The following DIP2B variants were observed in gnomAD, a reference collection of about 807,000 sequenced individuals.
DIP2B encodes the protein disco-interacting protein 2 homolog B.
In DIP2B, 76 loss-of-function variants were observed where a neutral mutation model predicts 198.0. The observed-to-expected ratio is 0.38, with a 90% CI of 0.32 to 0.46. DIP2B has a LOEUF of 0.46. Ranked by LOEUF, DIP2B falls within the 20% of genes least tolerant of loss-of-function variation. DIP2B has a pLI of 0.99. For missense variants in DIP2B, 1,559 were observed against 1,978.4 expected, an observed-to-expected ratio of 0.79 and a Z score of 4.02; for synonymous variants, 701 against 739.1, an observed-to-expected ratio of 0.95 and a Z score of 0.84.
intron 3 of DIP2B, among the ~76,000 whole-genome samples, chr12:50,649,229 A>G (rs959324479): frequency 6.6e-6 from 1 of 152,232 alleles, no homozygotes; most frequent in African/African-American, 2.4e-5. Flanking sequence ...ATTTATTTAT[A>G]GAGTTAGAAA....
intron 1 of DIP2B, among the ~76,000 whole-genome samples, chr12:50,597,758 C>G (rs910586539): frequency 1.3e-4 from 20 of 152,170 alleles, no homozygotes; most frequent in Non-Finnish European, 2.4e-4. Context: ...CAACAGAGTG[C>G]TTTAATAGTA....
Position 50,668,843 on chromosome 12 carries a change from G to A in DIP2B, c.428-2343G>A, listed in dbSNP as rs182666914. Among the ~76,000 whole-genome samples, 7 of 152,024 alleles carry A rather than the reference G, an allele frequency of 4.6e-5. No individual in the cohort carries two copies. The East Asian group carries it at 7.7e-4, about 17-fold the overall frequency. ...GCTAAGACAGGAATATTTGTGTCCCGGGGTACAGTTGAAATGTTAGAATAT... is the reference window on the plus strand; with the variant it reads ...GCTAAGACAGGAATATTTGTGTCCCAGGGTACAGTTGAAATGTTAGAATAT... On this transcript the variant is annotated intron_variant, in intron 4 of 37. Coordinates refer to ENST00000301180, the MANE Select transcript of DIP2B (RefSeq NM_173602.3).
At chr12:50,686,455 T>C (rs1385641315) in intron 11 of DIP2B, 118 bp from the exon 12 acceptor site, 3 of 844,712 alleles carry the variant, frequency 3.6e-6, no homozygotes, top group African/African-American at 3.4e-5. Context: ...AAACTAAGTA[T>C]TTTATTGATT....
intron 1 of DIP2B, among the ~76,000 whole-genome samples, chr12:50,517,131 G>A (rs552961597): frequency 9.2e-5 from 14 of 152,110 alleles, no homozygotes; most frequent in South Asian, 6.2e-4. Flanking sequence ...GTGTTAGCCA[G>A]GATGGTCTCG....
chr12:50,708,389 C>G, intron 21 of DIP2B, 59 bp from the exon 22 acceptor site: 2 of 1,488,804 alleles, frequency 1.3e-6, no homozygotes, highest in South Asian at 1.2e-5. Context: ...TCCAGTTAAA[C>G]AAAACAAATA....
intron 1 of DIP2B, among the ~76,000 whole-genome samples, chr12:50,540,496 CAAAT>C (rs952191746): frequency 6.0e-5 from 9 of 150,270 alleles, no homozygotes; most frequent in African/African-American, 2.2e-4. Context: ...ATAGCAGTCT[CAAAT>C]GAGGTAGAAC....
At chr12:50,705,595 C>T (rs1184523325) in intron 20 of DIP2B, among the ~76,000 whole-genome samples, 1 of 152,254 alleles carries the variant, frequency 6.6e-6, no homozygotes, top group East Asian at 1.9e-4. Context: ...TTATTTTGGT[C>T]AGCCATGCCC....
chr12:50,542,104 A>G (rs527576240), intron 1 of DIP2B, among the ~76,000 whole-genome samples: 1 of 151,542 alleles, frequency 6.6e-6, no homozygotes, highest in East Asian at 1.9e-4. Flanking sequence ...ATCCTGGCTA[A>G]CACAGTGAAA....
At chr12:50,683,510 A>G (rs1266398450) in intron 10 of DIP2B, among the ~76,000 whole-genome samples, 3 of 152,148 alleles carry the variant, frequency 2.0e-5, no homozygotes, top group Non-Finnish European at 4.4e-5. Context: ...GGCCGGGCGC[A>G]GTGGCTCACG....
At chr12:50,578,504 CTTTTT>C (rs62685162) in intron 1 of DIP2B, among the ~76,000 whole-genome samples, 7 of 111,604 alleles carry the variant, frequency 6.3e-5, no homozygotes, top group Non-Finnish European at 1.2e-4. Flanking sequence ...GTTATTTGCT[CTTTTT>C]TTTTTTTTTT....
At chr12:50,662,975 G>A (rs925763532) in intron 4 of DIP2B, among the ~76,000 whole-genome samples, 7 of 152,128 alleles carry the variant, frequency 4.6e-5, no homozygotes, top group Non-Finnish European at 5.9e-5. Context: ...CAGGTGTGGT[G>A]GTGCGTTCCT....
chr12:50,701,953 AAAAT>A (rs1357409078), intron 19 of DIP2B, among the ~76,000 whole-genome samples: 1 of 152,148 alleles, frequency 6.6e-6, no homozygotes, highest in African/African-American at 2.4e-5. Flanking sequence ...TTTTATATAA[AAAAT>A]AAATTTTAAG....
At chr12:50,686,478 T>TA in intron 11 of DIP2B, 95 bp from the exon 12 acceptor site, 1 of 1,018,810 alleles carries the variant, frequency 9.8e-7, no homozygotes, top group South Asian at 1.7e-5. Flanking sequence ...AAAATGATCT[T>TA]AATTTGGTCT....
At chr12:50,592,530 T>C (rs1368112410) in intron 1 of DIP2B, among the ~76,000 whole-genome samples, 2 of 152,000 alleles carry the variant, frequency 1.3e-5, no homozygotes, top group Non-Finnish European at 2.9e-5. Flanking sequence ...CAGGCTGGAG[T>C]GCAGTGGCAC....
intron 28 of DIP2B, among the ~76,000 whole-genome samples, 156 bp from the exon 29 acceptor site, chr12:50,727,547 A>G (rs1276906674): frequency 6.6e-6 from 1 of 152,226 alleles, no homozygotes; most frequent in Non-Finnish European, 1.5e-5. Flanking sequence ...GCCCACCTCT[A>G]AGAATGACAT....
At chr12:50,625,269 C>T (rs569384194) in intron 1 of DIP2B, among the ~76,000 whole-genome samples, 7 of 152,292 alleles carry the variant, frequency 4.6e-5, no homozygotes, top group East Asian at 1.9e-4. Flanking sequence ...TATCTATTTC[C>T]GTTTCCTTAG....
At chr12:50,626,791 T>A (rs1565849718) in intron 2 of DIP2B, among the ~76,000 whole-genome samples, 1 of 135,290 alleles carries the variant, frequency 7.4e-6, no homozygotes, top group South Asian at 2.3e-4. Flanking sequence ...TTTTTTTTTT[T>A]ACTGAATTAT....
chr12:50,599,106 A>G (rs923613209), intron 1 of DIP2B, among the ~76,000 whole-genome samples: 6 of 147,114 alleles, frequency 4.1e-5, no homozygotes, highest in Non-Finnish European at 6.0e-5. Context: ...CCTGGGCGAC[A>G]TGGCAAAACT....
At chr12:50,586,786 TG>T (rs1221567497) in intron 1 of DIP2B, among the ~76,000 whole-genome samples, 1 of 152,346 alleles carries the variant, frequency 6.6e-6, no homozygotes, top group Non-Finnish European at 1.5e-5. Flanking sequence ...TTGGCCAGGC[TG>T]GTCTCAAACT....
Sources: allele counts gnomAD v4.1 joint callset (sites outside exome capture counted in the v4.1 genomes callset), GRCh38; gene constraint gnomAD v4.1.1; transcripts MANE v1.5; gene names NCBI Gene and HGNC (gene_info 2026-07-23, HGNC 2026-07-21).